CNTN6: variants seen among roughly 807,000 people sequenced by gnomAD.
CNTN6 encodes the protein contactin 6, also known as contactin-6.
A neutral mutation model predicts 122.8 loss-of-function variants in CNTN6; 137 were observed. The ratio of observed to expected loss-of-function variants is 1.12; its 90% CI spans 0.97 to 1.29. The LOEUF (loss-of-function observed/expected upper bound fraction) is 1.29. CNTN6 is among the 50% of genes most tolerant of loss of function. The pLI is 0.00. For missense variants in CNTN6, 1,634 were observed against 1,223.4 expected (o/e 1.34, Z -5.01); for synonymous variants, 570 against 426.0 (o/e 1.34, Z -4.16).
chr3:1,295,495 T>A, intron 5 of CNTN6, 106 bp from the exon 6 acceptor site: 3 of 886,850 alleles, frequency 3.4e-6, no homozygotes, highest in Non-Finnish European at 5.2e-6. Context: ...AGAGGCACAA[T>A]TTTCTCCTAA....
intron 12 of CNTN6, among the ~76,000 whole-genome samples, chr3:1,371,241 T>G (rs1287701436): frequency 1.3e-5 from 2 of 152,128 alleles, no homozygotes; most frequent in African/African-American, 2.4e-5. Context: ...AAGTGAAGAT[T>G]TTAGTCCATT....
rs866079107 is a variant in CNTN6 at position 1,346,843 on chromosome 3, G to A, written c.1365-5481G>A. ...AAGAAGCCCTCCAAGTGGATGTGAT[G>A]TGATCCTTCTCCTTCCTGGTGTTCT... On this transcript the variant is annotated intron_variant, in intron 11 of 22. Coordinates refer to ENST00000446702, the MANE Select transcript of CNTN6 (RefSeq NM_001289080.2). Among the ~76,000 whole-genome samples, 18 of 152,248 alleles carry A rather than the reference G, an allele frequency of 1.2e-4. No homozygotes were observed. In the Middle Eastern group the frequency reaches 0.01, roughly 86 times the overall value.
intron 4 of CNTN6, among the ~76,000 whole-genome samples, chr3:1,233,347 C>G (rs1026778680): frequency 2.0e-5 from 3 of 152,018 alleles, no homozygotes; most frequent in African/African-American, 7.2e-5. Context: ...TCTGGCCATA[C>G]AAATACTAAG....
intron 12 of CNTN6, among the ~76,000 whole-genome samples, chr3:1,369,579 T>C (rs1708703667): frequency 6.6e-6 from 1 of 152,200 alleles, no homozygotes; most frequent in African/African-American, 2.4e-5. Flanking sequence ...CAATGAGCTA[T>C]GTAGATAGGG....
chr3:1,137,111 C>T (rs2092495641), intron 1 of CNTN6, among the ~76,000 whole-genome samples: 1 of 152,194 alleles, frequency 6.6e-6, no homozygotes, highest in African/African-American at 2.4e-5. Context: ...TCTTAAAGGA[C>T]TCTGCTTCCA....
At chr3:1,342,501 A>T (rs1704046567) in intron 11 of CNTN6, among the ~76,000 whole-genome samples, 1 of 152,124 alleles carries the variant, frequency 6.6e-6, no homozygotes, top group Non-Finnish European at 1.5e-5. Context: ...CCTGTTTATG[A>T]TGTCACTTCA....
intron 7 of CNTN6, among the ~76,000 whole-genome samples, chr3:1,309,142 G>A (rs1199350713): frequency 2.7e-5 from 4 of 147,044 alleles, no homozygotes; most frequent in African/African-American, 1.1e-4. Context: ...TTTTAATGAT[G>A]TGCAGGTTAT....
At chr3:1,357,543 G>A (rs768626071) in intron 12 of CNTN6, among the ~76,000 whole-genome samples, 6 of 151,880 alleles carry the variant, frequency 4.0e-5, no homozygotes, top group African/African-American at 7.3e-5. Flanking sequence ...GGGAGATTGA[G>A]GAATAGGTTG....
intron 20 of CNTN6, among the ~76,000 whole-genome samples, chr3:1,396,103 C>T (rs982082108): frequency 6.6e-6 from 1 of 152,154 alleles, no homozygotes; most frequent in African/African-American, 2.4e-5. Flanking sequence ...GTCATTGTCT[C>T]CTCTATTCCA....
intron 4 of CNTN6, among the ~76,000 whole-genome samples, chr3:1,274,805 A>G (rs989919821): frequency 2.0e-5 from 3 of 152,192 alleles, no homozygotes; most frequent in Non-Finnish European, 4.4e-5. Context: ...TGTCATAATC[A>G]TAGTAATTAC....
intron 11 of CNTN6, among the ~76,000 whole-genome samples, chr3:1,334,519 C>T (rs1261739887): frequency 6.6e-6 from 1 of 152,038 alleles, no homozygotes; most frequent in Admixed American, 6.6e-5. Flanking sequence ...CAATAGAGAA[C>T]CTTAGCCCAA....
chr3:1,200,260 C>T (rs1032989540), intron 2 of CNTN6, among the ~76,000 whole-genome samples: 9 of 152,186 alleles, frequency 5.9e-5, no homozygotes, highest in African/African-American at 2.2e-4. Context: ...TCTCGAACTC[C>T]TTGCCTCAAG....
Position 1,278,464 on chromosome 3 carries a change from G to A in CNTN6, c.410G>A (p.Gly137Asp), listed in dbSNP as rs1457720088. The A allele has an allele frequency of 3.1e-6, 5 of 1,612,706 alleles. No homozygotes were observed. Among genetic ancestry groups the A allele is most frequent in the Non-Finnish European group, 4.2e-6 (5 of 1,179,070 alleles). ...KTRSTVSVRE[G>D]QGVVLLCGPP... ...AGAAGCACAGTATCTGTCCGAGAAG[G>A]TCAAGGTGTGGTGCTTCTCTGTGGC... Residue 137 changes from glycine to aspartate, a missense_variant, in exon 5 of 23, where the codon GGT becomes GAT. Physicochemically the swap from Gly to Asp is moderately conservative, Grantham distance 94. Coordinates refer to ENST00000446702, the MANE Select transcript of CNTN6 (RefSeq NM_001289080.2).
intron 7 of CNTN6, among the ~76,000 whole-genome samples, chr3:1,319,934 T>G (rs913151903): frequency 1.3e-5 from 2 of 151,568 alleles, no homozygotes; most frequent in African/African-American, 4.8e-5. Context: ...ACATACAACA[T>G]ATGCATTTTT....
At chr3:1,237,007 G>A (rs1442405369) in intron 4 of CNTN6, among the ~76,000 whole-genome samples, 6 of 152,036 alleles carry the variant, frequency 3.9e-5, no homozygotes, top group East Asian at 2.0e-4. Context: ...CGTGAACCTG[G>A]GAGGCAGAGC....
intron 4 of CNTN6, among the ~76,000 whole-genome samples, chr3:1,271,170 G>A (rs1054804417): frequency 2.6e-5 from 4 of 152,170 alleles, no homozygotes; most frequent in African/African-American, 9.7e-5. Flanking sequence ...GAGCCATGGC[G>A]CCTTGTCTAG....
intron 11 of CNTN6, among the ~76,000 whole-genome samples, chr3:1,335,704 T>C (rs1244707121): frequency 6.6e-6 from 1 of 152,088 alleles, no homozygotes; most frequent in Non-Finnish European, 1.5e-5. Flanking sequence ...AGAAAAGAAA[T>C]GTTGTCCTAT....
At chr3:1,360,667 C>T (rs186212061) in intron 12 of CNTN6, among the ~76,000 whole-genome samples, 2 of 151,786 alleles carry the variant, frequency 1.3e-5, no homozygotes, top group African/African-American at 4.8e-5. Flanking sequence ...GTATCTCATC[C>T]AGTTTTATGT....
chr3:1,243,245 T>C (rs980441680), intron 4 of CNTN6, among the ~76,000 whole-genome samples: 11 of 152,190 alleles, frequency 7.2e-5, no homozygotes, highest in Non-Finnish European at 1.0e-4. Flanking sequence ...TTCCTTGGCC[T>C]GGTGGCCAGA....
Sources: allele counts gnomAD v4.1 joint callset (sites outside exome capture counted in the v4.1 genomes callset), GRCh38; gene constraint gnomAD v4.1.1; transcripts MANE v1.5; gene names NCBI Gene and HGNC (gene_info 2026-07-23, HGNC 2026-07-21).